The following PLXNA2 variants were observed in gnomAD, a reference collection of about 807,000 sequenced individuals.
The protein encoded by PLXNA2 is plexin A2, also known as plexin-A2.
Under a neutral mutation model 193.5 loss-of-function variants are expected in PLXNA2, and 91 were observed. The ratio of observed to expected loss-of-function variants is 0.47; its 90% CI spans 0.40 to 0.56. The LOEUF (loss-of-function observed/expected upper bound fraction) is 0.56. Ranked by LOEUF, PLXNA2 falls within the 20% of genes least tolerant of loss-of-function variation. The pLI is 0.00. For synonymous variants in PLXNA2, 997 were observed against 1,027.3 expected, an observed-to-expected ratio of 0.97 and a Z score of 0.56; for missense variants, 1,995 against 2,503.2, an observed-to-expected ratio of 0.80 and a Z score of 4.33.
At chr1:208,066,875 T>C (rs1284346308) in intron 12 of PLXNA2, among the ~76,000 whole-genome samples, 3 of 152,106 alleles carry the variant, frequency 2.0e-5, no homozygotes, top group Admixed American at 2.0e-4. Context: ...TGTCTTAGTC[T>C]TTAACAAAAC....
chr1:208,046,173 G>A lies in PLXNA2; in HGVS notation c.3256-56C>T. ...CGGAGTGCCTGGCACAGAGCCCAGG[G>A]GCCCACAGCCGCTCTCCCACCCTCT... is the stretch of plus-strand genomic sequence containing the variant. On this transcript the variant is annotated intron_variant, in intron 17 of 31. Coordinates refer to ENST00000367033, the MANE Select transcript of PLXNA2 (RefSeq NM_025179.4). The A allele has an allele frequency of 3.8e-6, 6 of 1,562,648 alleles. 1 individual carries two copies. The South Asian group carries it at 7.1e-5, about 18-fold the overall frequency.
chr1:208,066,831 A>T lies in PLXNA2; in HGVS notation c.2587-5994T>A, dbSNP rs143202044. 6.2e-4 allele frequency among the ~76,000 whole-genome samples: 95 copies of T among 152,234 alleles called. 1 individual carries two copies. The highest frequency in any genetic ancestry group is 5.0e-3 in the East Asian group (26 of 5,180). On this transcript the variant is annotated intron_variant, in intron 12 of 31. Transcript: ENST00000367033. ...GAAGACAGTGATATGGATGATCCTG[A>T]CCCTGGGTAGGCCTAGGCTGATGTG...
intron 12 of PLXNA2, among the ~76,000 whole-genome samples, chr1:208,061,769 T>C (rs1665628642): frequency 6.6e-6 from 1 of 152,126 alleles, no homozygotes; most frequent in African/African-American, 2.4e-5. Context: ...AAAATGTAGC[T>C]CTTTGGGATC....
intron 12 of PLXNA2, among the ~76,000 whole-genome samples, chr1:208,077,115 A>G (rs1666174636): frequency 6.6e-6 from 1 of 152,154 alleles, no homozygotes; most frequent in Non-Finnish European, 1.5e-5. Flanking sequence ...TGAATACAAC[A>G]TTCCAGGCCT....
At chr1:208,096,520 T>A (rs970240340) in intron 7 of PLXNA2, among the ~76,000 whole-genome samples, 1 of 152,240 alleles carries the variant, frequency 6.6e-6, no homozygotes, top group African/African-American at 2.4e-5. Context: ...GACGCTGTGT[T>A]CTGTGCAGCC....
chr1:208,095,789 G>C (rs771262689), intron 8 of PLXNA2, among the ~76,000 whole-genome samples: 6 of 152,178 alleles, frequency 3.9e-5, no homozygotes, highest in Non-Finnish European at 7.3e-5. Flanking sequence ...GAGAGTTGGG[G>C]GTTAGGTGTG....
intron 3 of PLXNA2, among the ~76,000 whole-genome samples, chr1:208,150,667 A>T (rs763928382): frequency 1.3e-5 from 2 of 152,100 alleles, no homozygotes; most frequent in Non-Finnish European, 2.9e-5. Flanking sequence ...CCCTCATCAG[A>T]CAAGGGTGGA....
intron 3 of PLXNA2, among the ~76,000 whole-genome samples, chr1:208,189,985 T>C (rs1015924098): frequency 4.6e-5 from 7 of 152,152 alleles, no homozygotes; most frequent in South Asian, 2.1e-4. Context: ...ATGTGTAAGA[T>C]GAGAAACATT....
At chr1:208,186,179 C>T (rs1346728841) in intron 3 of PLXNA2, among the ~76,000 whole-genome samples, 2 of 152,156 alleles carry the variant, frequency 1.3e-5, no homozygotes, top group African/African-American at 2.4e-5. Context: ...TTTTTTAAAT[C>T]CATCTTTCCT....
At chr1:208,103,431 C>T (rs1469959316) in intron 4 of PLXNA2, among the ~76,000 whole-genome samples, 184 bp from the exon 5 acceptor site, 2 of 152,212 alleles carry the variant, frequency 1.3e-5, no homozygotes, top group East Asian at 3.8e-4. Context: ...TAGGCTAAGC[C>T]GAGTGTGTCT....
chr1:208,090,254 A>T (rs2478807), intron 9 of PLXNA2, among the ~76,000 whole-genome samples: 89,126 of 151,902 alleles, frequency 0.59, 26,560 homozygotes, highest in East Asian at 0.67. Context: ...CACCATTCCT[A>T]CTCAGGGCAA....
rs1664361985 is a variant in PLXNA2 at position 208,027,040 on chromosome 1, A to C, written c.*203T>G. The stretch of plus-strand genomic sequence containing the variant: ...CTGGTGTTCTCACTGAGGATGGACG[A>C]CGCCCACTGTCTCTCCCAGCTGGAA... On this transcript the variant is annotated 3_prime_UTR_variant, in exon 32 of 32. Coordinates refer to ENST00000367033, the MANE Select transcript of PLXNA2 (RefSeq NM_025179.4). 7 of 520,458 alleles carry C rather than the reference A, an allele frequency of 1.3e-5. No individual in the cohort carries two copies. The South Asian group carries it at 1.7e-4, about 13-fold the overall frequency. 32.2% of individuals were successfully genotyped at this position (520,458 alleles called of 1,614,324 possible).
intron 3 of PLXNA2, among the ~76,000 whole-genome samples, chr1:208,162,582 A>G (rs766036483): frequency 6.6e-6 from 1 of 152,232 alleles, no homozygotes; most frequent in Non-Finnish European, 1.5e-5. Flanking sequence ...TGAATCCTGC[A>G]TGCTTCTTGA....
At chr1:208,073,144 C>T (rs1464981480) in intron 12 of PLXNA2, among the ~76,000 whole-genome samples, 4 of 152,198 alleles carry the variant, frequency 2.6e-5, no homozygotes, top group Non-Finnish European at 4.4e-5. Flanking sequence ...CAGAGCCTGG[C>T]ACATGGGAGA....
chr1:208,214,069 C>T (rs1021492286), intron 2 of PLXNA2, among the ~76,000 whole-genome samples: 4 of 151,994 alleles, frequency 2.6e-5, no homozygotes, highest in Admixed American at 1.3e-4. Context: ...CGGAGGGTTA[C>T]ATTTCCTCTC....
In PLXNA2 at chr1:208,079,362, G is replaced by C. The variant is rs777731225; in HGVS notation, c.2484C>G (p.Gly828=). ...GCTGGTGGAGGGTGCACCTGCGCTC[G>C]CCGCTGCACCAGCCACACTCAAACT... ...DRKFECGWCS[G]ERRCTLHQHC... The change falls in exon 12 of 32, where the codon GGC becomes GGG. Residue 828 remains glycine (G), a synonymous_variant. Transcript: ENST00000367033. The C allele has an allele frequency of 3.7e-6, 6 of 1,612,468 alleles. No homozygotes were observed. The highest frequency in any genetic ancestry group is 3.3e-5 in the Admixed American group (2 of 59,884).
At chr1:208,192,090 C>T (rs971411135) in intron 3 of PLXNA2, among the ~76,000 whole-genome samples, 4 of 152,202 alleles carry the variant, frequency 2.6e-5, no homozygotes, top group African/African-American at 9.7e-5. Flanking sequence ...CCTCTTCAGC[C>T]TCCTCTCTCA....
intron 2 of PLXNA2, among the ~76,000 whole-genome samples, chr1:208,216,425 C>T (rs773687730): frequency 6.6e-6 from 1 of 152,174 alleles, no homozygotes; most frequent in African/African-American, 2.4e-5. Context: ...CGTGTAATCT[C>T]CATGAGGGCA....
chr1:208,149,246 A>T (rs534627200), intron 3 of PLXNA2, among the ~76,000 whole-genome samples: 91 of 150,376 alleles, frequency 6.1e-4, no homozygotes, highest in Non-Finnish European at 1.2e-3. Context: ...TTGTGTGTGT[A>T]TGAGTCTGTT....
Sources: gnomAD v4.1 joint callset for allele counts (sites outside exome capture counted in the v4.1 genomes callset) on GRCh38, gnomAD v4.1.1 for gene constraint, MANE v1.5 for transcripts, NCBI Gene and HGNC (gene_info 2026-07-23, HGNC 2026-07-21) for gene names.